GPR158: variants seen among roughly 807,000 people sequenced by gnomAD.
GPR158 encodes metabotropic glycine receptor.
In GPR158, 30 loss-of-function variants were observed where a neutral mutation model predicts 78.2. The observed-to-expected ratio is 0.38, with a 90% CI of 0.29 to 0.52. The LOEUF (loss-of-function observed/expected upper bound fraction) is 0.52. Among genes scored for constraint, GPR158 ranks in the 20% least tolerant of loss-of-function variants. The pLI, the probability that GPR158 is intolerant of heterozygous loss-of-function variation, is 0.83. For synonymous variants in GPR158, 581 were observed against 591.1 expected (o/e 0.98, Z 0.25); for missense variants, 1,463 against 1,523.5 (o/e 0.96, Z 0.66).
chr10:25,223,107 C>T (rs1240675561), intron 2 of GPR158, among the ~76,000 whole-genome samples: 1 of 152,064 alleles, frequency 6.6e-6, no homozygotes, highest in East Asian at 1.9e-4. Flanking sequence ...TTCTGATTAA[C>T]AAAGTTTAGG....
At chr10:25,589,315 CTGT>C (rs1354779344) in intron 8 of GPR158, among the ~76,000 whole-genome samples, 170 bp downstream of exon 8, 2 of 152,092 alleles carry the variant, frequency 1.3e-5, no homozygotes, top group Non-Finnish European at 2.9e-5. Context: ...GTTTTTAAAG[CTGT>C]TGTTCTTAGT....
At chr10:25,364,918 C>T (rs966032866) in intron 2 of GPR158, among the ~76,000 whole-genome samples, 4 of 151,526 alleles carry the variant, frequency 2.6e-5, no homozygotes, top group African/African-American at 9.7e-5. Context: ...TGTCCGCACA[C>T]TTTGAATGAG....
chr10:25,328,990 C>T (rs917764949), intron 2 of GPR158, among the ~76,000 whole-genome samples: 1 of 148,844 alleles, frequency 6.7e-6, no homozygotes, highest in Non-Finnish European at 1.5e-5. Flanking sequence ...TTTTATACAT[C>T]TCAGTTTAGT....
At chr10:25,424,644 C>T (rs1588856954) in intron 4 of GPR158, among the ~76,000 whole-genome samples, 2 of 151,832 alleles carry the variant, frequency 1.3e-5, no homozygotes, top group Non-Finnish European at 1.5e-5. Flanking sequence ...ATAGGGAATC[C>T]TTTCCCCATT....
intron 4 of GPR158, among the ~76,000 whole-genome samples, chr10:25,457,488 T>G (rs1564460810): frequency 1.3e-5 from 2 of 152,094 alleles, no homozygotes; most frequent in Non-Finnish European, 2.9e-5. Context: ...TATGAGTTAC[T>G]CTATGTAGTA....
intron 6 of GPR158, among the ~76,000 whole-genome samples, chr10:25,568,791 T>G (rs552571209): frequency 6.6e-6 from 1 of 152,202 alleles, no homozygotes; most frequent in African/African-American, 2.4e-5. Flanking sequence ...ATATGAAATT[T>G]TGGAAGTTTC....
At chr10:25,576,477 C>T (rs1837098695) in intron 7 of GPR158, among the ~76,000 whole-genome samples, 2 of 152,006 alleles carry the variant, frequency 1.3e-5, no homozygotes, top group South Asian at 2.1e-4. Flanking sequence ...CACATTTTTC[C>T]ACTTGCAGTA....
At chr10:25,524,326 T>C (rs1161605818) in intron 5 of GPR158, among the ~76,000 whole-genome samples, 8 of 152,166 alleles carry the variant, frequency 5.3e-5, no homozygotes, top group Non-Finnish European at 1.2e-4. Flanking sequence ...GGGCCCAGAA[T>C]ATCTAAAATA....
intron 5 of GPR158, among the ~76,000 whole-genome samples, chr10:25,550,557 A>G (rs1836713949): frequency 6.6e-6 from 1 of 152,154 alleles, no homozygotes; most frequent in Admixed American, 6.6e-5. Context: ...AAGTTTGGAC[A>G]TACACCAAAG....
At chr10:25,236,639 A>G (rs1299989566) in intron 2 of GPR158, among the ~76,000 whole-genome samples, 1 of 151,966 alleles carries the variant, frequency 6.6e-6, no homozygotes, top group Non-Finnish European at 1.5e-5. Context: ...TTGGAATAAC[A>G]TACTATTTCC....
At chr10:25,247,621 C>T (rs1853714401) in intron 2 of GPR158, among the ~76,000 whole-genome samples, 1 of 143,214 alleles carries the variant, frequency 7.0e-6, no homozygotes, top group African/African-American at 2.6e-5. Context: ...CAATTTCATC[C>T]ATGTCCCTAC....
At chr10:25,253,927 A>C (rs1358387571) in intron 2 of GPR158, among the ~76,000 whole-genome samples, 2 of 152,250 alleles carry the variant, frequency 1.3e-5, no homozygotes, top group Non-Finnish European at 2.9e-5. Context: ...TAGGAACCAT[A>C]GAAAAGGTTC....
chr10:25,394,106 A>G (rs1366530453), intron 2 of GPR158, among the ~76,000 whole-genome samples: 2 of 152,206 alleles, frequency 1.3e-5, no homozygotes, highest in Non-Finnish European at 2.9e-5. Flanking sequence ...GATCAGTTAA[A>G]TGACAACTCC....
intron 2 of GPR158, among the ~76,000 whole-genome samples, chr10:25,282,643 A>C (rs1318844027): frequency 6.6e-6 from 1 of 152,046 alleles, no homozygotes; most frequent in Non-Finnish European, 1.5e-5. Flanking sequence ...TTCAATTTTC[A>C]GTTTTAAAAT....
chr10:25,531,907 C>A (rs1376077535), intron 5 of GPR158, among the ~76,000 whole-genome samples: 4 of 152,066 alleles, frequency 2.6e-5, no homozygotes, highest in Non-Finnish European at 4.4e-5. Context: ...GTCCCTTGGG[C>A]CTCCAGAGCT....
At chr10:25,412,988 T>C (rs1396301248) in intron 4 of GPR158, among the ~76,000 whole-genome samples, 1 of 152,166 alleles carries the variant, frequency 6.6e-6, no homozygotes, top group East Asian at 1.9e-4. Flanking sequence ...TTACACAGTT[T>C]TGGAGAGAAC....
chr10:25,277,088 T>C (rs544776753), intron 2 of GPR158, among the ~76,000 whole-genome samples: 2 of 152,028 alleles, frequency 1.3e-5, no homozygotes, highest in South Asian at 4.2e-4. Context: ...TAGCTGCAAC[T>C]ACAGACACAT....
At chr10:25,467,879 C>G (rs1299709833) in intron 5 of GPR158, among the ~76,000 whole-genome samples, 1 of 152,130 alleles carries the variant, frequency 6.6e-6, no homozygotes, top group South Asian at 2.1e-4. Flanking sequence ...TTGTCTCTGA[C>G]TAGTTTCCCG....
chr10:25,382,809 C>T (rs1834173222), intron 2 of GPR158, among the ~76,000 whole-genome samples: 1 of 151,898 alleles, frequency 6.6e-6, no homozygotes, highest in Admixed American at 6.6e-5. Flanking sequence ...CAGATTCATT[C>T]ATTTATTTAT....
Sources: allele counts gnomAD v4.1 joint callset (sites outside exome capture counted in the v4.1 genomes callset), GRCh38; gene constraint gnomAD v4.1.1; transcripts MANE v1.5; gene names NCBI Gene and HGNC (gene_info 2026-07-23, HGNC 2026-07-21).